The following CLNK variants were observed in gnomAD, a reference collection of about 807,000 sequenced individuals.
CLNK encodes cytokine dependent hematopoietic cell linker, also known as cytokine-dependent hematopoietic cell linker.
Under a neutral mutation model 68.6 loss-of-function variants are expected in CLNK, and 74 were observed. That is an observed-to-expected ratio of 1.08 (90% CI 0.89 to 1.31). CLNK has a LOEUF of 1.31. Ranked by LOEUF, CLNK falls within the 50% of genes most tolerant of loss-of-function variation. The pLI, the probability that CLNK is intolerant of heterozygous loss-of-function variation, is 0.00. For synonymous variants in CLNK, 198 were observed against 172.2 expected, an observed-to-expected ratio of 1.15 and a Z score of -1.17; for missense variants, 553 against 515.3, an observed-to-expected ratio of 1.07 and a Z score of -0.71.
intron 16 of CLNK, among the ~76,000 whole-genome samples, chr4:10,510,746 T>C (rs1282601662): frequency 6.6e-6 from 1 of 152,218 alleles, no homozygotes; most frequent in Non-Finnish European, 1.5e-5. Context: ...TCACCGATAA[T>C]AAGCCCTCTA....
chr4:10,677,943 T>C (rs775863496), intron 1 of CLNK, among the ~76,000 whole-genome samples: 7 of 152,172 alleles, frequency 4.6e-5, no homozygotes, highest in Non-Finnish European at 1.0e-4. Flanking sequence ...CCAAATGACC[T>C]AGATTTTTCA....
At chr4:10,531,343 C>T (rs956827425) in intron 12 of CLNK, 2 of 153,020 alleles carry the variant, frequency 1.3e-5, no homozygotes, top group African/African-American at 4.8e-5. Context: ...CACTGATCAC[C>T]TGGCCATTTG....
chr4:10,705,902 C>G, the CLNK span, among the ~76,000 whole-genome samples: 2 of 152,330 alleles, frequency 1.3e-5, no homozygotes, highest in African/African-American at 4.8e-5. Flanking sequence ...GTGTAAGACA[C>G]TGGACTAATT....
the CLNK span, among the ~76,000 whole-genome samples, chr4:10,714,142 G>C: frequency 1.3e-5 from 2 of 152,180 alleles, no homozygotes; most frequent in South Asian, 2.1e-4. Flanking sequence ...CCCTTCCCAG[G>C]CTGTGGCTTC....
At chr4:10,525,221 C>T (rs1002204738) in intron 14 of CLNK, among the ~76,000 whole-genome samples, 1 of 152,158 alleles carries the variant, frequency 6.6e-6, no homozygotes, top group Non-Finnish European at 1.5e-5. Flanking sequence ...CCCGCCACCA[C>T]ACTCGGCTAA....
intron 2 of CLNK, among the ~76,000 whole-genome samples, chr4:10,607,589 C>A (rs1040045520): frequency 6.6e-6 from 1 of 152,158 alleles, no homozygotes; most frequent in African/African-American, 2.4e-5. Context: ...TTTTGTCTTG[C>A]CTGGCAATAT....
chr4:10,603,672 G>GC (rs1721677825), intron 2 of CLNK, among the ~76,000 whole-genome samples: 1 of 152,346 alleles, frequency 6.6e-6, no homozygotes, highest in South Asian at 2.1e-4. Flanking sequence ...GGCCTCAGCG[G>GC]CCCCCACGGG....
chr4:10,497,070 T>G (rs78443288), intron 18 of CLNK, among the ~76,000 whole-genome samples: 1 of 152,346 alleles, frequency 6.6e-6, no homozygotes, highest in East Asian at 1.9e-4. Flanking sequence ...GTCAATGTTT[T>G]GCAAACTATA....
chr4:10,491,398 C>G (rs1171616659), intron 18 of CLNK, among the ~76,000 whole-genome samples: 1 of 152,074 alleles, frequency 6.6e-6, no homozygotes, highest in Non-Finnish European at 1.5e-5. Flanking sequence ...GTGGGCAATG[C>G]CTGCAGTGAG....
chr4:10,681,771 T>A lies in CLNK; in HGVS notation c.-43+2897A>T, dbSNP rs143199441. Among the ~76,000 whole-genome samples the A allele has an allele frequency of 6.3e-3, 963 of 152,312 alleles. 7 individuals are homozygous for A. Among genetic ancestry groups the A allele is most frequent in the African/African-American group, 0.022 (899 of 41,566 alleles). ...TCAGCAGGGTACTCATGGAGCACCA[T>A]GCCGAGAGCAGGAGCTCGGGGCTCG... On this transcript the variant is annotated intron_variant, in intron 1 of 18. Coordinates refer to ENST00000226951, the MANE Select transcript of CLNK (RefSeq NM_052964.4).
intron 2 of CLNK, among the ~76,000 whole-genome samples, chr4:10,643,211 G>A (rs1186144237): frequency 6.6e-6 from 1 of 152,152 alleles, no homozygotes; most frequent in Non-Finnish European, 1.5e-5. Context: ...ACTCCTCCCT[G>A]TGATGGCTGC....
intron 4 of CLNK, among the ~76,000 whole-genome samples, chr4:10,573,499 C>T (rs192168123): frequency 2.6e-5 from 4 of 152,248 alleles, no homozygotes; most frequent in East Asian, 3.9e-4. Flanking sequence ...GAAACCAACA[C>T]GTTTTCCAGC....
intron 18 of CLNK, among the ~76,000 whole-genome samples, chr4:10,498,732 T>G (rs1160152157): frequency 6.6e-6 from 1 of 152,192 alleles, no homozygotes; most frequent in Non-Finnish European, 1.5e-5. Context: ...TGTTTTACAT[T>G]TATTAACTTG....
At chr4:10,703,301 T>G in the CLNK span, among the ~76,000 whole-genome samples, 11 of 152,298 alleles carry the variant, frequency 7.2e-5, no homozygotes, top group African/African-American at 2.4e-4. Flanking sequence ...CTACTTTTTG[T>G]TTAAGTGACT....
At chr4:10,718,840 CT>C in the CLNK span, among the ~76,000 whole-genome samples, 4 of 151,768 alleles carry the variant, frequency 2.6e-5, no homozygotes, top group Non-Finnish European at 5.9e-5. Context: ...CTAATATGTT[CT>C]AAATGTATAT....
At chr4:10,695,519 C>A in the CLNK span, among the ~76,000 whole-genome samples, 1 of 152,232 alleles carries the variant, frequency 6.6e-6, no homozygotes, top group Non-Finnish European at 1.5e-5. Flanking sequence ...TTCTCTCAAG[C>A]TAAACTCAGT....
intron 2 of CLNK, among the ~76,000 whole-genome samples, chr4:10,652,396 A>G (rs1470379718): frequency 1.3e-5 from 2 of 150,646 alleles, no homozygotes; most frequent in African/African-American, 2.4e-5. Flanking sequence ...AAAAAAAAAA[A>G]AAAAAAAGGA....
chr4:10,606,622 G>T (rs532661610), intron 2 of CLNK, among the ~76,000 whole-genome samples: 66 of 152,326 alleles, frequency 4.3e-4, no homozygotes, highest in African/African-American at 1.5e-3. Context: ...TCACAAACAT[G>T]TGAGTAATGT....
chr4:10,707,999 G>A, the CLNK span, among the ~76,000 whole-genome samples: 244 of 152,288 alleles, frequency 1.6e-3, no homozygotes, highest in African/African-American at 5.8e-3. Context: ...TGCACTGAGC[G>A]CTGAAAGCAA....
Sources: allele counts gnomAD v4.1 joint callset (sites outside exome capture counted in the v4.1 genomes callset), GRCh38; gene constraint gnomAD v4.1.1; transcripts MANE v1.5; gene names NCBI Gene and HGNC (gene_info 2026-07-23, HGNC 2026-07-21).